MOB1B: variants seen among roughly 807,000 people sequenced by gnomAD.
MOB1B encodes MOB1 Mps One Binder homolog B.
In MOB1B, 19 loss-of-function variants were observed where a neutral mutation model predicts 24.4. The ratio of observed to expected loss-of-function variants is 0.78; its 90% CI spans 0.54 to 1.14. The LOEUF is 1.14. MOB1B is among the 50% of genes most tolerant of loss of function. MOB1B has a pLI of 0.00. For missense variants in MOB1B, 243 were observed against 259.6 expected (o/e 0.94, Z 0.44); for synonymous variants, 76 against 82.1 (o/e 0.93, Z 0.40).
chr4:70,919,884 T>C (rs1477297759), intron 1 of MOB1B, among the ~76,000 whole-genome samples: 3 of 152,220 alleles, frequency 2.0e-5, no homozygotes, highest in Non-Finnish European at 4.4e-5. Context: ...TGGTGAGTTA[T>C]GTTCAATAAG....
chr4:70,977,358 G>A (rs1739047656), intron 4 of MOB1B, among the ~76,000 whole-genome samples: 1 of 151,920 alleles, frequency 6.6e-6, no homozygotes. Context: ...ATGTGTCTTT[G>A]TGAACTATAA....
chr4:70,969,922 G>A lies in MOB1B; in HGVS notation c.182-9G>A. 2 of 1,520,512 alleles carry A rather than the reference G, an allele frequency of 1.3e-6. No individual in the cohort carries two copies. Among genetic ancestry groups the A allele is most frequent in the Non-Finnish European group, 1.8e-6 (2 of 1,103,684 alleles). The allele number at this position is 1,520,512 out of a possible 1,614,324, so 94.2% of individuals were successfully genotyped here. A position where few individuals can be genotyped will look rare whatever the true frequency, so the allele number is the denominator to read the frequency against. On this transcript the variant is annotated splice_polypyrimidine_tract_variant and intron_variant, in intron 2 of 5. Coordinates refer to ENST00000309395, the MANE Select transcript of MOB1B (RefSeq NM_173468.4). The stretch of plus-strand genomic sequence containing the variant: ...TCTGTTTTACTTACAACTGATACTT[G>A]CTTTACAGCTGTGGATTTCTTCAAT...
intron 1 of MOB1B, among the ~76,000 whole-genome samples, chr4:70,941,696 T>TCTTTGGTATCTTTCTTTTCAGAGAAA (rs1578372912): frequency 6.6e-6 from 1 of 152,228 alleles, no homozygotes; most frequent in African/African-American, 2.4e-5. Context: ...GTGACATTTC[T>TCTTTGGTATCTTTCTTTTCAGAGAAA]CTTTGGTATC....
chr4:70,906,770 T>C (rs1209994008), intron 1 of MOB1B, among the ~76,000 whole-genome samples: 1 of 152,212 alleles, frequency 6.6e-6, no homozygotes, highest in African/African-American at 2.4e-5. Context: ...TAAACTCTCA[T>C]GGTAGATACG....
At chr4:70,928,312 T>C (rs1376972289) in intron 1 of MOB1B, among the ~76,000 whole-genome samples, 1 of 151,992 alleles carries the variant, frequency 6.6e-6, no homozygotes, top group Non-Finnish European at 1.5e-5. Context: ...TTTTTTTTTT[T>C]TGAGATGGAG....
At chr4:70,977,387 AGCAATATGATG>A (rs1739048241) in intron 4 of MOB1B, among the ~76,000 whole-genome samples, 1 of 152,208 alleles carries the variant, frequency 6.6e-6, no homozygotes, top group African/African-American at 2.4e-5. Flanking sequence ...AATGAGCAAT[AGCAATATGATG>A]GCAATATGAT....
At chr4:70,965,251 T>A (rs1194821170) in intron 2 of MOB1B, among the ~76,000 whole-genome samples, 2 of 128,384 alleles carry the variant, frequency 1.6e-5, no homozygotes, top group African/African-American at 3.2e-5. Context: ...GAGCCAAGAT[T>A]GCAGCACTGC....
Position 70,902,436 on chromosome 4 carries a change from C to T in MOB1B, c.-101C>T. On this transcript the variant is annotated 5_prime_UTR_variant, in exon 1 of 6. Transcript: ENST00000309395. The stretch of plus-strand genomic sequence containing the variant: ...CCGGCTCTCGGCACCTCCTCCTCCG[C>T]CTCCCTGTCTCCTGTTCCATTCGCC... The T allele has an allele frequency of 7.6e-7, 1 of 1,317,492 alleles. No individual in the cohort carries two copies. Among genetic ancestry groups the T allele is most frequent in the Non-Finnish European group, 1.1e-6 (1 of 935,020 alleles). 81.6% of individuals were successfully genotyped at this position (1,317,492 alleles called of 1,614,324 possible). A position where few individuals can be genotyped will look rare whatever the true frequency, so the allele number is the denominator to read the frequency against.
intron 1 of MOB1B, among the ~76,000 whole-genome samples, chr4:70,921,160 C>T (rs1736421534): frequency 6.6e-6 from 1 of 152,122 alleles, no homozygotes; most frequent in Non-Finnish European, 1.5e-5. Flanking sequence ...TTAATTTACC[C>T]TGGAGGCTAC....
chr4:70,978,902 A>G (rs1039276355), intron 4 of MOB1B, among the ~76,000 whole-genome samples: 1 of 152,154 alleles, frequency 6.6e-6, no homozygotes, highest in Non-Finnish European at 1.5e-5. Flanking sequence ...TAGAGACATA[A>G]CAGGCTGTAA....
intron 2 of MOB1B, among the ~76,000 whole-genome samples, chr4:70,961,402 G>T (rs1335079266): frequency 6.6e-6 from 1 of 152,128 alleles, no homozygotes; most frequent in African/African-American, 2.4e-5. Context: ...ATTTCATCAC[G>T]TTACTCAGAA....
At chr4:70,971,716 T>C (rs1738761809) in intron 3 of MOB1B, among the ~76,000 whole-genome samples, 1 of 152,168 alleles carries the variant, frequency 6.6e-6, no homozygotes. Flanking sequence ...AAAATAGATG[T>C]CTTTAATTTT....
chr4:70,909,680 A>G lies in MOB1B; in HGVS notation c.14+7130A>G, dbSNP rs569939984. Among the ~76,000 whole-genome samples the G allele has an allele frequency of 3.1e-4, 47 of 152,232 alleles. 1 individual carries two copies. The South Asian group carries it at 8.5e-3, about 28-fold the overall frequency. On this transcript the variant is annotated intron_variant, in intron 1 of 5. Transcript: ENST00000309395. ...AAATCATGTGGCCAGTAAATAGTGTAGCTGGAATTTGAGTCCTGGAAGTCT... is the reference window on the plus strand; with the variant it reads ...AAATCATGTGGCCAGTAAATAGTGTGGCTGGAATTTGAGTCCTGGAAGTCT...
In MOB1B at chr4:70,983,714, C is replaced by T. The variant is rs1011088628; in HGVS notation, c.*1657C>T. ...TTGCCATTAAAGTAGAGCAGTGATA[C>T]AATTTAATGCCATTACAATTATGTT... On this transcript the variant is annotated 3_prime_UTR_variant, in exon 6 of 6. Transcript: ENST00000309395. 2 of 152,514 alleles carry T rather than the reference C, an allele frequency of 1.3e-5. No homozygotes were observed. Among genetic ancestry groups the T allele is most frequent in the Non-Finnish European group, 2.9e-5 (2 of 67,986 alleles). 9.4% of individuals were successfully genotyped at this position (152,514 alleles called of 1,614,324 possible). A position where few individuals can be genotyped will look rare whatever the true frequency, so the allele number is the denominator to read the frequency against.
In MOB1B at chr4:70,987,537, C is replaced by T. The variant is rs1432210456; in HGVS notation, c.*5480C>T. On this transcript the variant is annotated 3_prime_UTR_variant, in exon 6 of 6. Transcript: ENST00000309395. ...CTACTAACTTGTATTTATTATTGTA[C>T]ATGCATAACCAGGGTGGTGAGGGCA... is the stretch of plus-strand genomic sequence containing the variant. 6.6e-6 allele frequency: 1 copy of T among 152,014 alleles called. No homozygotes were observed. The highest frequency in any genetic ancestry group is 2.4e-5 in the African/African-American group (1 of 41,384). 9.4% of individuals were successfully genotyped at this position (152,014 alleles called of 1,614,324 possible).
chr4:70,976,734 A>G (rs1325944701), intron 4 of MOB1B: 2 of 606,458 alleles, frequency 3.3e-6, no homozygotes, highest in African/African-American at 4.3e-5. Context: ...TAAAAGAGCA[A>G]TTTTTCAAGA....
intron 1 of MOB1B, among the ~76,000 whole-genome samples, chr4:70,906,065 T>C (rs1735722044): frequency 1.4e-5 from 2 of 140,930 alleles, no homozygotes; most frequent in African/African-American, 5.4e-5. Flanking sequence ...TGATAGAGAG[T>C]GAGACTCTGT....
At chr4:70,938,593 T>G (rs984926203) in intron 1 of MOB1B, among the ~76,000 whole-genome samples, 1 of 152,046 alleles carries the variant, frequency 6.6e-6, no homozygotes, top group African/African-American at 2.4e-5. Context: ...AGAAGCCCAC[T>G]GTGTAGATTG....
chr4:70,923,140 C>G (rs1578354690), intron 1 of MOB1B, among the ~76,000 whole-genome samples: 1 of 152,260 alleles, frequency 6.6e-6, no homozygotes, highest in Admixed American at 6.5e-5. Context: ...CAACGCCATC[C>G]CATTTTCCCA....
Sources: gnomAD v4.1 joint callset for allele counts (sites outside exome capture counted in the v4.1 genomes callset) on GRCh38, gnomAD v4.1.1 for gene constraint, MANE v1.5 for transcripts, NCBI Gene and HGNC (gene_info 2026-07-23, HGNC 2026-07-21) for gene names.